Variants in LIMCH1 observed in about 807,000 individuals in gnomAD.
LIMCH1 encodes LIM and calponin homology domains 1, also known as LIM and calponin homology domains-containing protein 1.
LIMCH1 carries 113 observed loss-of-function variants against 176.5 expected under a neutral mutation model. That is an observed-to-expected ratio of 0.64 (90% CI 0.55 to 0.75). The LOEUF (loss-of-function observed/expected upper bound fraction) is 0.75. Among genes scored for constraint, LIMCH1 ranks in the 30% least tolerant of loss-of-function variants. LIMCH1 has a pLI of 0.00. For synonymous variants in LIMCH1, 619 were observed against 645.9 expected, an observed-to-expected ratio of 0.96 and a Z score of 0.63; for missense variants, 1,674 against 1,814.9, an observed-to-expected ratio of 0.92 and a Z score of 1.41.
intron 1 of LIMCH1, among the ~76,000 whole-genome samples, chr4:41,387,659 A>T (rs1162323834): frequency 4.6e-5 from 7 of 152,250 alleles, no homozygotes; most frequent in African/African-American, 1.7e-4. Context: ...GCATGGTTTT[A>T]TTCAGCATTT....
rs2061300441 is a variant in LIMCH1 at position 41,428,312 on chromosome 4, T to C, written c.97-66224T>C. Among the ~76,000 whole-genome samples the C allele has an allele frequency of 2.0e-5, 3 of 152,192 alleles. No individual in the cohort carries two copies. The South Asian group carries it at 6.2e-4, about 32-fold the overall frequency. ...CTGTCCCTCATCTGTATAATGGTAATAATAGTAGTACCTCCTCCGTGCTAT... is the reference window on the plus strand; with the variant it reads ...CTGTCCCTCATCTGTATAATGGTAACAATAGTAGTACCTCCTCCGTGCTAT... On this transcript the variant is annotated intron_variant, in intron 1 of 26. Transcript: ENST00000313860.
chr4:41,423,449 T>TA (rs112606125), intron 1 of LIMCH1, among the ~76,000 whole-genome samples: 11,417 of 145,226 alleles, frequency 0.079, 1,178 homozygotes, highest in African/African-American at 0.24. Context: ...GTCTTGGGGT[T>TA]AAAAAAAAAA....
chr4:41,658,133 G>A (rs879450885), intron 18 of LIMCH1, among the ~76,000 whole-genome samples: 7 of 152,054 alleles, frequency 4.6e-5, no homozygotes, highest in Non-Finnish European at 1.0e-4. Context: ...TATGACCCTC[G>A]GTAAGTCGCT....
At chr4:41,491,992 A>G (rs1368967013) in intron 1 of LIMCH1, among the ~76,000 whole-genome samples, 1 of 152,182 alleles carries the variant, frequency 6.6e-6, no homozygotes, top group Non-Finnish European at 1.5e-5. Flanking sequence ...CTCACTTCCT[A>G]GACGGGGTGG....
rs71650934 is a variant in LIMCH1, at chr4:41,530,819, ATTTT to A, written c.237+6359_237+6362del. Among the ~76,000 whole-genome samples the A allele has an allele frequency of 5.7e-3, 487 of 84,712 alleles. 3 individuals are homozygous for A. The highest frequency in any genetic ancestry group is 0.024 in the African/African-American group (426 of 17,500). 55.6% of individuals were successfully genotyped at this position (84,712 alleles called of 152,430 possible). On this transcript the variant is annotated intron_variant, in intron 3 of 26. Coordinates refer to the LIMCH1 transcript ENST00000313860. ...TAAAAAAAAAAAAAAAAAAAAAAAA[ATTTT>A]TTTTTTTTTTTTTTTTTGGCCAGGA...
At chr4:41,386,003 T>C (rs141743600) in intron 1 of LIMCH1, 36 of 152,322 alleles carry the variant, frequency 2.4e-4, no homozygotes, top group African/African-American at 8.4e-4. Flanking sequence ...GGAGTGCTAC[T>C]AGGGTGAGTT....
chr4:41,676,069 T>TG (rs1281977937), intron 22 of LIMCH1, among the ~76,000 whole-genome samples: 7 of 152,240 alleles, frequency 4.6e-5, no homozygotes, highest in African/African-American at 1.7e-4. Context: ...TTCAGAAGCA[T>TG]GAATGCATTT....
intron 1 of LIMCH1, among the ~76,000 whole-genome samples, chr4:41,569,857 G>A (rs905303696): frequency 6.6e-6 from 1 of 152,140 alleles, no homozygotes; most frequent in Non-Finnish European, 1.5e-5. Context: ...TTAAAATTCT[G>A]TTCCTCGTCA....
Position 41,685,779 on chromosome 4 carries a change from C to T in LIMCH1, c.4037C>T (p.Pro1346Leu), listed in dbSNP as rs191390776. 27 of 1,613,558 alleles carry T rather than the reference C, an allele frequency of 1.7e-5. No individual in the cohort carries two copies. Among genetic ancestry groups the T allele is most frequent in the Middle Eastern group, 1.7e-4 (1 of 6,054 alleles). ...GAAGATGTGAAGCCAAAAACCCTCC[C>T]GCTGGATAAAAGCATTAACCATCAG... Reference protein sequence around the residue: ...SSEDVKPKTLPLDKSINHQIE... With the variant: ...SSEDVKPKTLLLDKSINHQIE... Residue 1346 changes from proline (P) to leucine (L), a missense_variant, in exon 28 of 32, where the codon CCG becomes CTG. By Grantham distance (98) the Pro-to-Leu change is moderately conservative (BLOSUM62 -3). Around this residue, in one of 3 missense-constraint regions of LIMCH1, gnomAD observed 1,015 missense variants for 1,102.5 expected, o/e 0.92. Coordinates refer to ENST00000503057, the MANE Select transcript of LIMCH1 (RefSeq NM_001330672.2).
intron 2 of LIMCH1, among the ~76,000 whole-genome samples, chr4:41,515,709 A>T (rs1359891132): frequency 6.6e-6 from 1 of 152,202 alleles, no homozygotes; most frequent in Non-Finnish European, 1.5e-5. Flanking sequence ...AGTGAGTTAC[A>T]GGGCTATGAT....
Position 41,627,974 on chromosome 4 carries a change from T to C in LIMCH1, c.1028+964T>C, listed in dbSNP as rs114752871. On this transcript the variant is annotated intron_variant, in intron 8 of 31. Coordinates refer to ENST00000503057, the MANE Select transcript of LIMCH1 (RefSeq NM_001330672.2). ...GAGCTCAGGGGAGTAGTTGGTCTTT[T>C]TGATTTTTCTTAGGAAGTACCAGAT... 9.0e-3 allele frequency among the ~76,000 whole-genome samples: 1,368 copies of C among 152,344 alleles called. 14 individuals carry two copies. Among genetic ancestry groups the C allele is most frequent in the African/African-American group, 0.031 (1,295 of 41,566 alleles).
chr4:41,641,816 G>T (rs1323145862), intron 14 of LIMCH1, among the ~76,000 whole-genome samples: 18 of 152,178 alleles, frequency 1.2e-4, no homozygotes, highest in Non-Finnish European at 1.5e-5. Flanking sequence ...TCAGATTTCA[G>T]ATTTTTGGAT....
chr4:41,697,575 GA>G lies in LIMCH1; in HGVS notation c.*392del. 5.4e-6 allele frequency: 1 copy of G among 184,414 alleles called. No homozygotes were observed. Among genetic ancestry groups the G allele is most frequent in the Non-Finnish European group, 1.1e-5 (1 of 89,450 alleles). The allele number at this position is 184,414 out of a possible 1,614,324, so 11.4% of individuals were successfully genotyped here. A position where few individuals can be genotyped will look rare whatever the true frequency, so the allele number is the denominator to read the frequency against. ...AGGAATTAAACACTTTATGTTTACA[GA>G]ATTGAGCTGCAGAAAGTGCAAGACA... is the stretch of plus-strand genomic sequence containing the variant. On this transcript the variant is annotated 3_prime_UTR_variant, in exon 32 of 32. Coordinates refer to ENST00000503057, the MANE Select transcript of LIMCH1 (RefSeq NM_001330672.2).
chr4:41,375,866 C>T (rs1240925614), intron 1 of LIMCH1, among the ~76,000 whole-genome samples: 1 of 152,244 alleles, frequency 6.6e-6, no homozygotes, highest in Admixed American at 6.5e-5. Context: ...CTTGAAAGCT[C>T]ACAGGTTACT....
intron 1 of LIMCH1, among the ~76,000 whole-genome samples, chr4:41,445,453 G>A (rs188065840): frequency 2.0e-5 from 3 of 152,246 alleles, no homozygotes; most frequent in Non-Finnish European, 4.4e-5. Context: ...CTTCTGAGAC[G>A]AACCCCTGTA....
intron 2 of LIMCH1, among the ~76,000 whole-genome samples, chr4:41,508,985 C>T (rs1053667457): frequency 6.6e-6 from 1 of 152,164 alleles, no homozygotes; most frequent in Non-Finnish European, 1.5e-5. Context: ...ATAAAGTACA[C>T]ATGCAATCAT....
chr4:41,692,252 C>T (rs374681305), intron 30 of LIMCH1, 30 bp from the exon 31 acceptor site: 274 of 1,300,302 alleles, frequency 2.1e-4, no homozygotes, highest in Middle Eastern at 5.4e-4. Flanking sequence ...CCTTATGCAT[C>T]TTATGATGTC....
rs1445077342 is a variant in LIMCH1, at chr4:41,648,872, A to C, written c.2821-1521A>C. Among the ~76,000 whole-genome samples the C allele has an allele frequency of 9.9e-5, 15 of 152,140 alleles. No homozygotes were observed. In the East Asian group the frequency reaches 2.7e-3, roughly 28 times the overall value. On this transcript the variant is annotated intron_variant, in intron 17 of 31. Coordinates refer to ENST00000503057, the MANE Select transcript of LIMCH1 (RefSeq NM_001330672.2). ...TTAGTGGTTTGAAGCCAATATAAAAAAAAAAGAACTAGAATAGAATATAAT... is the reference window on the plus strand; with the variant it reads ...TTAGTGGTTTGAAGCCAATATAAAACAAAAAGAACTAGAATAGAATATAAT...
intron 21 of LIMCH1, among the ~76,000 whole-genome samples, chr4:41,667,452 TAAA>T (rs1375712714): frequency 6.6e-6 from 1 of 152,076 alleles, no homozygotes; most frequent in African/African-American, 2.4e-5. Context: ...ACTAAAGATT[TAAA>T]AATGTTTAAC....
Sources: gnomAD v4.1 joint callset for allele counts (sites outside exome capture counted in the v4.1 genomes callset) on GRCh38, gnomAD v4.1.1 for gene constraint, gnomAD v4.1.1 regional missense constraint, MANE v1.5 for transcripts, NCBI Gene and HGNC (gene_info 2026-07-23, HGNC 2026-07-21) for gene names.